CCSER1: variants seen among roughly 807,000 people sequenced by gnomAD.
CCSER1 encodes the protein serine-rich coiled-coil domain-containing protein 1.
Under a neutral mutation model 82.0 loss-of-function variants are expected in CCSER1, and 41 were observed. The ratio of observed to expected loss-of-function variants is 0.50; its 90% CI spans 0.39 to 0.65. The LOEUF is 0.65. Ranked by LOEUF, CCSER1 falls within the 30% of genes least tolerant of loss-of-function variation. The pLI is 0.00. For missense variants in CCSER1, 1,119 were observed against 1,064.2 expected (o/e 1.05, Z -0.72); for synonymous variants, 414 against 383.9 (o/e 1.08, Z -0.92).
chr4:90,509,105 A>G (rs541867546), intron 5 of CCSER1, among the ~76,000 whole-genome samples: 22 of 152,176 alleles, frequency 1.4e-4, no homozygotes, highest in African/African-American at 2.4e-4. Flanking sequence ...AGAGTTTGGG[A>G]ATTAATACGT....
intron 7 of CCSER1, among the ~76,000 whole-genome samples, chr4:90,804,768 C>G (rs1297822184): frequency 3.0e-4 from 46 of 152,062 alleles, no homozygotes; most frequent in Non-Finnish European, 7.4e-5. Context: ...AGACTGGAGT[C>G]AGGAAACTGA....
chr4:90,849,992 C>T (rs949672274), intron 8 of CCSER1, among the ~76,000 whole-genome samples: 2 of 152,082 alleles, frequency 1.3e-5, no homozygotes, highest in African/African-American at 4.8e-5. Flanking sequence ...GGGCTGGGCA[C>T]AGGGACACCC....
At chr4:90,278,000 C>T (rs1430835260) in intron 1 of CCSER1, among the ~76,000 whole-genome samples, 1 of 151,958 alleles carries the variant, frequency 6.6e-6, no homozygotes, top group Admixed American at 6.6e-5. Context: ...TCAAAAACCC[C>T]CATTAAAAAG....
intron 10 of CCSER1, among the ~76,000 whole-genome samples, chr4:91,540,446 G>T (rs1246136847): frequency 6.6e-6 from 1 of 151,932 alleles, no homozygotes; most frequent in Admixed American, 6.6e-5. Flanking sequence ...CTCTTTTTAT[G>T]CTTTGAAAAA....
At chr4:91,142,755 A>G (rs781203434) in intron 10 of CCSER1, among the ~76,000 whole-genome samples, 20 of 152,034 alleles carry the variant, frequency 1.3e-4, no homozygotes, top group African/African-American at 3.9e-4. Flanking sequence ...CTTATAGTGT[A>G]TTTCTGTAGA....
intron 1 of CCSER1, among the ~76,000 whole-genome samples, chr4:90,305,072 A>G (rs567084783): frequency 2.6e-5 from 4 of 151,808 alleles, no homozygotes; most frequent in Non-Finnish European, 5.9e-5. Context: ...GCCCACCACC[A>G]TGCCTGGATA....
At chr4:91,297,834 AG>A (rs1233321437) in intron 10 of CCSER1, among the ~76,000 whole-genome samples, 1 of 152,076 alleles carries the variant, frequency 6.6e-6, no homozygotes, top group Non-Finnish European at 1.5e-5. Context: ...GGGGTACTTG[AG>A]GAAAAGTGGT....
chr4:91,405,643 G>C (rs1298716361), intron 10 of CCSER1, among the ~76,000 whole-genome samples: 1 of 152,188 alleles, frequency 6.6e-6, no homozygotes, highest in Non-Finnish European at 1.5e-5. Context: ...TGCTAGCAGT[G>C]AGCCTGGCTC....
intron 6 of CCSER1, among the ~76,000 whole-genome samples, chr4:90,707,788 T>G (rs756530393): frequency 1.3e-5 from 2 of 152,094 alleles, no homozygotes; most frequent in Non-Finnish European, 2.9e-5. Context: ...GTAGGGATCA[T>G]TTGTGAACAT....
intron 7 of CCSER1, chr4:90,727,392 C>A: frequency 2.4e-6 from 1 of 414,634 alleles, no homozygotes; most frequent in Non-Finnish European, 4.8e-6. Context: ...CAGTGGATTG[C>A]TTAGCCATTA....
At position 90,938,823 on chromosome 4, in the gene CCSER1, A is replaced by G. The variant is rs1561394768; in HGVS notation, c.2172+15376A>G. ...AAAATCAATTTTTTCATCATTTCAT[A>G]TTTTAAGTATGTAATATAGAAAAAT... is the stretch of plus-strand genomic sequence containing the variant. On this transcript the variant is annotated intron_variant, in intron 9 of 10. Coordinates refer to ENST00000509176, the MANE Select transcript of CCSER1 (RefSeq NM_001145065.2). 4 of 219,654 alleles carry G rather than the reference A, an allele frequency of 1.8e-5. No individual in the cohort carries two copies. In the South Asian group the frequency reaches 2.2e-4, roughly 12 times the overall value. 13.6% of individuals were successfully genotyped at this position (219,654 alleles called of 1,614,324 possible).
intron 8 of CCSER1, among the ~76,000 whole-genome samples, chr4:90,907,352 C>A (rs1463492384): frequency 6.6e-6 from 1 of 151,928 alleles, no homozygotes. Flanking sequence ...TCTGTTTACA[C>A]CAGGATGCTG....
At chr4:90,156,838 C>A (rs961868328) in intron 1 of CCSER1, among the ~76,000 whole-genome samples, 1 of 152,152 alleles carries the variant, frequency 6.6e-6, no homozygotes, top group East Asian at 1.9e-4. Context: ...ATTTGCCAGT[C>A]TGTGTCTTTT....
At chr4:90,693,406 A>T (rs146168633) in intron 6 of CCSER1, 1 of 151,948 alleles carries the variant, frequency 6.6e-6, no homozygotes, top group Non-Finnish European at 1.5e-5. Context: ...TTAGAGTTGG[A>T]TTATCTACAT....
chr4:91,164,595 A>G (rs1560482796), intron 10 of CCSER1, among the ~76,000 whole-genome samples: 1 of 152,116 alleles, frequency 6.6e-6, no homozygotes. Context: ...GTCTTTTCAC[A>G]TAGTCCCATA....
intron 8 of CCSER1, among the ~76,000 whole-genome samples, chr4:90,919,699 A>T (rs1334331885): frequency 2.6e-5 from 4 of 151,890 alleles, no homozygotes; most frequent in Admixed American, 1.3e-4. Flanking sequence ...CAGATGAAAT[A>T]ACTTGGAAAC....
intron 5 of CCSER1, among the ~76,000 whole-genome samples, chr4:90,484,735 T>G (rs1766706341): frequency 6.6e-6 from 1 of 152,110 alleles, no homozygotes; most frequent in Admixed American, 6.5e-5. Flanking sequence ...CTCTGGAAGT[T>G]TTGTCTCAGA....
chr4:90,389,990 G>C (rs1243252355), intron 3 of CCSER1, among the ~76,000 whole-genome samples: 1 of 151,936 alleles, frequency 6.6e-6, no homozygotes, highest in African/African-American at 2.4e-5. Flanking sequence ...TATATGTATT[G>C]TAAAGAAAAT....
At chr4:91,194,512 GAA>G (rs1735247269) in intron 10 of CCSER1, among the ~76,000 whole-genome samples, 1 of 152,088 alleles carries the variant, frequency 6.6e-6, no homozygotes, top group South Asian at 2.1e-4. Flanking sequence ...GTTTTCATAT[GAA>G]AGAGGTGGCA....
Sources: allele counts gnomAD v4.1 joint callset (sites outside exome capture counted in the v4.1 genomes callset), GRCh38; gene constraint gnomAD v4.1.1; transcripts MANE v1.5; gene names NCBI Gene and HGNC (gene_info 2026-07-23, HGNC 2026-07-21).